The following ATXN2 variants were observed in gnomAD, a reference collection of about 807,000 sequenced individuals.
The protein encoded by ATXN2 is ataxin-2.
In ATXN2, 37 loss-of-function variants were observed where a neutral mutation model predicts 138.6. The ratio of observed to expected loss-of-function variants is 0.27; its 90% CI spans 0.21 to 0.35. The LOEUF (loss-of-function observed/expected upper bound fraction) is 0.35, where lower values mean the gene tolerates loss of function less well. Among genes scored for constraint, ATXN2 ranks in the 10% least tolerant of loss-of-function variants. The probability of loss-of-function intolerance (pLI) is 1.00; values close to 1 mark genes in which losing one functional copy is unlikely to be tolerated. For missense variants in ATXN2, 1,216 were observed against 1,480.3 expected, an observed-to-expected ratio of 0.82 and a Z score of 2.93; for synonymous variants, 549 against 543.7, an observed-to-expected ratio of 1.01 and a Z score of -0.13.
chr12:111,570,372 A>C (rs773927795), intron 1 of ATXN2, among the ~76,000 whole-genome samples: 1 of 152,252 alleles, frequency 6.6e-6, no homozygotes, highest in Admixed American at 6.5e-5. Flanking sequence ...TGACAGGTAC[A>C]TAAGATTCAT....
chr12:111,571,882 T>C (rs1483602554), intron 1 of ATXN2, among the ~76,000 whole-genome samples: 2 of 151,510 alleles, frequency 1.3e-5, no homozygotes, highest in Non-Finnish European at 2.9e-5. Flanking sequence ...CGTGGCAGCA[T>C]GTGCCTGTAA....
chr12:111,485,638 G>A, intron 17 of ATXN2, 75 bp downstream of exon 17: 1 of 1,548,202 alleles, frequency 6.5e-7, no homozygotes, highest in Non-Finnish European at 8.8e-7. Context: ...TCAAGTCACT[G>A]AAAACCTAAA....
chr12:111,596,593 G>T (rs1454755455), intron 1 of ATXN2, among the ~76,000 whole-genome samples: 1 of 152,150 alleles, frequency 6.6e-6, no homozygotes, highest in Non-Finnish European at 1.5e-5. Context: ...GCAGGAAAGT[G>T]ATTCAAATTC....
intron 14 of ATXN2, among the ~76,000 whole-genome samples, chr12:111,490,829 T>C (rs1299130120): frequency 1.3e-5 from 2 of 152,032 alleles, no homozygotes; most frequent in Non-Finnish European, 1.5e-5. Context: ...GAAATGACTG[T>C]GGGATTTTGC....
At chr12:111,582,294 A>C (rs1045681560) in intron 1 of ATXN2, among the ~76,000 whole-genome samples, 2 of 152,020 alleles carry the variant, frequency 1.3e-5, no homozygotes, top group South Asian at 2.1e-4. Context: ...AAATACAAAA[A>C]ATTAACCAGG....
chr12:111,523,388 T>C (rs1340210152), intron 6 of ATXN2, among the ~76,000 whole-genome samples: 2 of 152,188 alleles, frequency 1.3e-5, no homozygotes, highest in Non-Finnish European at 2.9e-5. Context: ...ACTCATGCTA[T>C]ATTGATAGAC....
intron 1 of ATXN2, among the ~76,000 whole-genome samples, chr12:111,563,320 T>C (rs1882801833): frequency 6.6e-6 from 1 of 152,080 alleles, no homozygotes; most frequent in Non-Finnish European, 1.5e-5. Flanking sequence ...TATATGTGTA[T>C]ATATATATGT....
At chr12:111,493,906 G>A (rs563622309) in intron 14 of ATXN2, among the ~76,000 whole-genome samples, 4 of 151,028 alleles carry the variant, frequency 2.6e-5, no homozygotes, top group African/African-American at 4.9e-5. Flanking sequence ...GGGATTAGGC[G>A]TGAGCCACTA....
chr12:111,566,310 T>A (rs915751434), intron 1 of ATXN2, among the ~76,000 whole-genome samples: 2 of 151,686 alleles, frequency 1.3e-5, no homozygotes, highest in Non-Finnish European at 2.9e-5. Context: ...TGCATGCCTG[T>A]AATCCCAGCT....
chr12:111,538,228 A>G (rs1234430449), intron 5 of ATXN2, among the ~76,000 whole-genome samples: 8 of 152,194 alleles, frequency 5.3e-5, no homozygotes, highest in Non-Finnish European at 1.0e-4. Flanking sequence ...TTTAAGTAAT[A>G]AAAAGCAGTA....
chr12:111,490,860 T>C, intron 14 of ATXN2, among the ~76,000 whole-genome samples: 1 of 152,076 alleles, frequency 6.6e-6, no homozygotes, highest in East Asian at 1.9e-4. Context: ...AGTGCTGCCC[T>C]GTCACAGTGG....
At chr12:111,476,014 C>A (rs940128802) in intron 18 of ATXN2, among the ~76,000 whole-genome samples, 5 of 152,206 alleles carry the variant, frequency 3.3e-5, no homozygotes, top group Admixed American at 1.3e-4. Flanking sequence ...TACAGTGGTA[C>A]AATCACAGCT....
At chr12:111,510,126 C>T (rs548480656) in intron 12 of ATXN2, 128 bp from the exon 13 acceptor site, 1 of 767,416 alleles carries the variant, frequency 1.3e-6, no homozygotes, top group Non-Finnish European at 2.0e-6. Flanking sequence ...GGCTTTTTTT[C>T]CTTTGCAGAT....
chr12:111,598,394 T>C lies in ATXN2; in HGVS notation c.251+390A>G, dbSNP rs1885046702. ...TCCAGACCCCTCCAACGTTCACACC[T>C]AAACCGGGAGTGGAGGAGCTGCCCG... On this transcript the variant is annotated intron_variant, in intron 1 of 24. Transcript: ENST00000673436. The surrounding 1 kb of genome is among the most constrained non-coding windows in gnomAD (Gnocchi z 4.5). The C allele has an allele frequency of 1.0e-6, 1 of 985,494 alleles. No individual in the cohort carries two copies. The highest frequency in any genetic ancestry group is 6.1e-5 in the Admixed American group (1 of 16,284). The allele number at this position is 985,494 out of a possible 1,614,324, so 61.0% of individuals were successfully genotyped here.
At chr12:111,500,798 T>C (rs1322841154) in intron 14 of ATXN2, among the ~76,000 whole-genome samples, 1 of 152,154 alleles carries the variant, frequency 6.6e-6, no homozygotes, top group East Asian at 1.9e-4. Context: ...ACTTGAACCC[T>C]GGAGGCGGAG....
chr12:111,453,301 A>T lies in ATXN2; in HGVS notation c.3439+376T>A, dbSNP rs1326423042. The T allele has an allele frequency of 9.4e-7, 1 of 1,062,738 alleles. No individual in the cohort carries two copies. The highest frequency in any genetic ancestry group is 1.7e-5 in the African/African-American group (1 of 59,790). 65.8% of individuals were successfully genotyped at this position (1,062,738 alleles called of 1,614,324 possible). On this transcript the variant is annotated intron_variant, in intron 24 of 24. Coordinates refer to ENST00000673436, the MANE Select transcript of ATXN2 (RefSeq NM_001372574.1). This position sits in a 1 kb window ranked among gnomAD's most constrained non-coding sequence, Gnocchi z 5.4. ...CAGCAGTATCTTCTCCAGAGCTACA[A>T]TCAAACTCTGCCATGGTAATAACCC...
rs968545835 is a variant in ATXN2, at chr12:111,523,245, A to C, written c.696+1947T>G. 5.3e-5 allele frequency among the ~76,000 whole-genome samples: 8 copies of C among 152,258 alleles called. No homozygotes were observed. The South Asian group carries it at 1.7e-3, about 32-fold the overall frequency. On this transcript the variant is annotated intron_variant, in intron 6 of 24. Coordinates refer to ENST00000673436, the MANE Select transcript of ATXN2 (RefSeq NM_001372574.1). ...ACTCTGTCTCAAAAAAAGAAAAAAA[A>C]AAGCAAATAGGATCCCAGTGTTCTG...
At chr12:111,597,795 T>C (rs1202326814) in intron 1 of ATXN2, 2 of 1,175,472 alleles carry the variant, frequency 1.7e-6, no homozygotes, top group Non-Finnish European at 2.3e-6. Context: ...GCAATCTCTC[T>C]CTCCTAGCAT....
intron 7 of ATXN2, 96 bp downstream of exon 7, chr12:111,520,786 T>A: frequency 1.5e-6 from 1 of 675,932 alleles, no homozygotes; most frequent in Middle Eastern, 3.9e-4. Context: ...TGTAATTGTT[T>A]AACTTAAAAA....
Sources: allele counts gnomAD v4.1 joint callset (sites outside exome capture counted in the v4.1 genomes callset), GRCh38; gene constraint gnomAD v4.1.1; non-coding constraint Gnocchi (gnomAD v3.1); transcripts MANE v1.5; gene names NCBI Gene and HGNC (gene_info 2026-07-23, HGNC 2026-07-21).